Variants in AUTS2 observed in about 807,000 individuals in gnomAD.
AUTS2 encodes the protein autism susceptibility gene 2 protein.
In AUTS2, 17 loss-of-function variants were observed where a neutral mutation model predicts 112.4. That is an observed-to-expected ratio of 0.15 (90% CI 0.10 to 0.23). The LOEUF is 0.23. AUTS2 is among the 10% of genes least tolerant of loss of function. The pLI, the probability that AUTS2 is intolerant of heterozygous loss-of-function variation, is 1.00. For synonymous variants in AUTS2, 751 were observed against 702.7 expected, an observed-to-expected ratio of 1.07 and a Z score of -1.09; for missense variants, 1,510 against 1,701.6, an observed-to-expected ratio of 0.89 and a Z score of 1.98.
At chr7:70,765,037 G>T in intron 8 of AUTS2, 32 bp downstream of exon 8, 1 of 1,610,950 alleles carries the variant, frequency 6.2e-7, no homozygotes, top group Non-Finnish European at 8.5e-7. Flanking sequence ...TCGTGACCCC[G>T]ACCCCCACCG....
chr7:70,302,183 G>A (rs968083996), intron 4 of AUTS2, among the ~76,000 whole-genome samples: 9 of 152,144 alleles, frequency 5.9e-5, no homozygotes, highest in African/African-American at 1.7e-4. Flanking sequence ...GGCCAACGTG[G>A]GAGGATCGCT....
At chr7:69,843,511 G>A (rs1024229020) in intron 1 of AUTS2, among the ~76,000 whole-genome samples, 1 of 152,186 alleles carries the variant, frequency 6.6e-6, no homozygotes, top group Non-Finnish European at 1.5e-5. Flanking sequence ...TTGATATAAT[G>A]CCTGGAAAAT....
At chr7:70,661,851 A>AT (rs978417029) in intron 5 of AUTS2, among the ~76,000 whole-genome samples, 4 of 152,052 alleles carry the variant, frequency 2.6e-5, no homozygotes, top group African/African-American at 9.7e-5. Context: ...AGGTACGGGA[A>AT]TGGCTTTTTG....
rs775328536 is a variant in AUTS2, at chr7:70,790,199, G to C, written c.2983G>C (p.Glu995Gln). The C allele has an allele frequency of 1.3e-5, 21 of 1,612,598 alleles. No homozygotes were observed. In the South Asian group the frequency reaches 2.2e-4, roughly 17 times the overall value. Reference protein sequence around the residue: ...ERKEDHDLPPEAPQTHRASEP... With the variant: ...ERKEDHDLPPQAPQTHRASEP... ...GAAGGAAGACCATGACCTGCCTCCA[G>C]AGGCCCCGCAGACCCACCGGGCCTC... Residue 995 changes from glutamate to glutamine, a missense_variant, in exon 19 of 19, where the codon GAG becomes CAG. By Grantham distance (29) the Glu-to-Gln change is conservative (BLOSUM62 2). This residue lies in a region of AUTS2 where 788 missense variants were observed against 797.6 expected (regional missense o/e 0.99). Transcript: ENST00000342771. The surrounding 1 kb of genome is among the most constrained non-coding windows in gnomAD (Gnocchi z 7.6).
intron 4 of AUTS2, among the ~76,000 whole-genome samples, chr7:70,307,019 A>G (rs1789523863): frequency 6.6e-6 from 1 of 152,184 alleles, no homozygotes; most frequent in Non-Finnish European, 1.5e-5. Flanking sequence ...TGTTTTTGTA[A>G]TGTGTATTTT....
At chr7:69,672,616 A>T (rs1796386766) in intron 1 of AUTS2, among the ~76,000 whole-genome samples, 1 of 152,218 alleles carries the variant, frequency 6.6e-6, no homozygotes, top group South Asian at 2.1e-4. Context: ...CGAGGAGAGG[A>T]TAAGCTACCT....
At chr7:70,145,939 T>G (rs1490553164) in intron 4 of AUTS2, among the ~76,000 whole-genome samples, 1 of 152,138 alleles carries the variant, frequency 6.6e-6, no homozygotes, top group Non-Finnish European at 1.5e-5. Context: ...CTTTTTCAAG[T>G]CAAGGTGCCA....
chr7:70,301,501 C>T (rs1169625349), intron 4 of AUTS2, among the ~76,000 whole-genome samples: 4 of 152,116 alleles, frequency 2.6e-5, no homozygotes, highest in South Asian at 2.1e-4. Flanking sequence ...AAAATAGTAT[C>T]CTTTCTTGAA....
rs908158128 is a variant in AUTS2, at chr7:70,442,778, G to A, written c.690+6997G>A. Among the ~76,000 whole-genome samples the A allele has an allele frequency of 7.2e-5, 11 of 152,106 alleles. No individual in the cohort carries two copies. The East Asian group carries it at 1.3e-3, about 19-fold the overall frequency. On this transcript the variant is annotated intron_variant, in intron 5 of 18. Coordinates refer to ENST00000342771, the MANE Select transcript of AUTS2 (RefSeq NM_015570.4). ...GTTGGGATGACAGTCATGAGCCACCGCACCTGGCCTAAGAGCTTTTTATTT... is the reference window on the plus strand; with the variant it reads ...GTTGGGATGACAGTCATGAGCCACCACACCTGGCCTAAGAGCTTTTTATTT...
intron 4 of AUTS2, among the ~76,000 whole-genome samples, chr7:70,286,980 A>G (rs1297174315): frequency 6.6e-6 from 1 of 152,212 alleles, no homozygotes; most frequent in Non-Finnish European, 1.5e-5. Context: ...TGTATTCCTT[A>G]TAAGAATCAT....
intron 2 of AUTS2, among the ~76,000 whole-genome samples, chr7:69,939,745 C>A (rs895248485): frequency 1.4e-4 from 21 of 152,178 alleles, no homozygotes; most frequent in African/African-American, 4.6e-4. Context: ...CTGGGTGCAT[C>A]CTCCTTATCT....
intron 1 of AUTS2, among the ~76,000 whole-genome samples, chr7:69,788,133 T>C (rs1414276882): frequency 6.6e-6 from 1 of 152,162 alleles, no homozygotes; most frequent in East Asian, 1.9e-4. Flanking sequence ...TACTACTTTG[T>C]TACCCCACCC....
At chr7:69,885,059 A>T (rs969024459) in intron 1 of AUTS2, among the ~76,000 whole-genome samples, 1 of 152,226 alleles carries the variant, frequency 6.6e-6, no homozygotes, top group African/African-American at 2.4e-5. Context: ...GAGGGAAGGC[A>T]AGTACAGAGT....
chr7:70,457,857 T>A (rs190211400), intron 5 of AUTS2, among the ~76,000 whole-genome samples: 61 of 152,316 alleles, frequency 4.0e-4, no homozygotes, highest in Admixed American at 2.3e-3. Context: ...GCCGTTTTGT[T>A]GAACAGTGCT....
At chr7:69,846,840 T>G (rs1562924883) in intron 1 of AUTS2, among the ~76,000 whole-genome samples, 1 of 152,258 alleles carries the variant, frequency 6.6e-6, no homozygotes, top group Non-Finnish European at 1.5e-5. Context: ...TCCAAAGTGC[T>G]GGGATTACAG....
chr7:70,230,299 G>T (rs1289160901), intron 4 of AUTS2, among the ~76,000 whole-genome samples: 1 of 151,966 alleles, frequency 6.6e-6, no homozygotes, highest in Non-Finnish European at 1.5e-5. Flanking sequence ...TTTCTTACTG[G>T]AATGGTTCTG....
Position 70,169,333 on chromosome 7 carries a change from T to G in AUTS2, c.660+34762T>G, listed in dbSNP as rs557725318. 4.3e-4 allele frequency among the ~76,000 whole-genome samples: 65 copies of G among 152,208 alleles called. 1 individual carries two copies. The highest frequency in any genetic ancestry group is 1.5e-3 in the African/African-American group (64 of 41,532). On this transcript the variant is annotated intron_variant, in intron 4 of 18. Coordinates refer to ENST00000342771, the MANE Select transcript of AUTS2 (RefSeq NM_015570.4). ...TTGGCTCACTGCAAGCTCTGCTTCCTGAGTTCACGCCATTCTCTTGCCTCA... is the reference window on the plus strand; with the variant it reads ...TTGGCTCACTGCAAGCTCTGCTTCCGGAGTTCACGCCATTCTCTTGCCTCA...
intron 2 of AUTS2, among the ~76,000 whole-genome samples, chr7:70,035,028 T>A (rs373463846): frequency 6.6e-6 from 1 of 152,164 alleles, no homozygotes; most frequent in African/African-American, 2.4e-5. Flanking sequence ...TTTTGACATA[T>A]TGACATTGGG....
chr7:70,712,940 T>G (rs1563145595), intron 6 of AUTS2, among the ~76,000 whole-genome samples: 1 of 152,184 alleles, frequency 6.6e-6, no homozygotes, highest in Non-Finnish European at 1.5e-5. Flanking sequence ...AAATATCAAC[T>G]TCACCTGATC....
Sources: allele counts gnomAD v4.1 joint callset (sites outside exome capture counted in the v4.1 genomes callset), GRCh38; gene constraint gnomAD v4.1.1; regional missense constraint gnomAD v4.1.1; non-coding constraint Gnocchi (gnomAD v3.1); transcripts MANE v1.5; gene names NCBI Gene and HGNC (gene_info 2026-07-23, HGNC 2026-07-21).